PLCH1: variants seen among roughly 807,000 people sequenced by gnomAD.
The protein encoded by PLCH1 is phospholipase C eta 1, also known as 1-phosphatidylinositol 4,5-bisphosphate phosphodiesterase eta-1.
PLCH1 carries 60 observed loss-of-function variants against 126.7 expected under a neutral mutation model. The ratio of observed to expected loss-of-function variants is 0.47; its 90% CI spans 0.38 to 0.59. The LOEUF (loss-of-function observed/expected upper bound fraction) is 0.59. Ranked by LOEUF, PLCH1 falls within the 20% of genes least tolerant of loss-of-function variation. PLCH1 has a pLI of 0.00. For synonymous variants in PLCH1, 719 were observed against 734.9 expected (o/e 0.98, Z 0.35); for missense variants, 1,723 against 2,040.0 (o/e 0.84, Z 2.99).
Position 155,481,439 on chromosome 3 carries a change from C to T in PLCH1, c.4587G>A (p.Glu1529=), listed in dbSNP as rs1228502760. The part of the protein sequence containing the change: ...KGVTVKTKSL[E]PIDALTEQLR... ...GCTGCTCGGTCAGGGCATCTATAGGCTCTAACGACTTTGTCTTCACAGTCA... is the reference window on the plus strand; with the variant it reads ...GCTGCTCGGTCAGGGCATCTATAGGTTCTAACGACTTTGTCTTCACAGTCA... Residue 1529 remains glutamate (E), a synonymous_variant, in exon 23 of 23, where the codon GAG becomes GAA. Coordinates refer to ENST00000460012, the MANE Select transcript of PLCH1 (RefSeq NM_014996.4). The surrounding 1 kb of genome is among the most constrained non-coding windows in gnomAD (Gnocchi z 4.2). 1.2e-6 allele frequency: 2 copies of T among 1,614,062 alleles called. No individual in the cohort carries two copies. The highest frequency in any genetic ancestry group is 1.3e-5 in the African/African-American group (1 of 74,920).
At chr3:155,634,366 T>C (rs903541719) in intron 2 of PLCH1, among the ~76,000 whole-genome samples, 1 of 152,122 alleles carries the variant, frequency 6.6e-6, no homozygotes. Context: ...GAATAAGCAT[T>C]GCGCAAGGTA....
chr3:155,721,548 G>A (rs986090893), intron 1 of PLCH1, among the ~76,000 whole-genome samples: 2 of 152,088 alleles, frequency 1.3e-5, no homozygotes, highest in Admixed American at 1.3e-4. Context: ...ACTGATTTGT[G>A]TACATTAATT....
chr3:155,606,681 G>T (rs1278084001), intron 2 of PLCH1, among the ~76,000 whole-genome samples: 1 of 152,150 alleles, frequency 6.6e-6, no homozygotes, highest in Non-Finnish European at 1.5e-5. Flanking sequence ...ATGCTCTTGG[G>T]CATGAAGAAG....
At position 155,658,013 on chromosome 3, in the gene PLCH1, T is replaced by C. The variant is rs139244431; in HGVS notation, c.79+46133A>G. On this transcript the variant is annotated intron_variant, in intron 2 of 22. Coordinates refer to ENST00000460012, the MANE Select transcript of PLCH1 (RefSeq NM_014996.4). ...GAGGTACTCGCCACTAAATTCAAGATTGAAAAGGAAAAGGAAAAGGTTCAT... is the reference window on the plus strand; with the variant it reads ...GAGGTACTCGCCACTAAATTCAAGACTGAAAAGGAAAAGGAAAAGGTTCAT... The C allele has an allele frequency of 3.5e-3, 638 of 181,386 alleles. 6 individuals carry two copies. The highest frequency in any genetic ancestry group is 0.014 in the African/African-American group (595 of 42,434). The allele number at this position is 181,386 out of a possible 1,614,324, so 11.2% of individuals were successfully genotyped here. A position where few individuals can be genotyped will look rare whatever the true frequency, so the allele number is the denominator to read the frequency against.
intron 11 of PLCH1, among the ~76,000 whole-genome samples, chr3:155,515,870 G>A (rs918306140): frequency 3.3e-5 from 5 of 152,136 alleles, no homozygotes; most frequent in African/African-American, 1.2e-4. Context: ...AAAGTTTAAG[G>A]CTGTTCTTCC....
At chr3:155,603,942 T>G (rs1170546464) in intron 2 of PLCH1, among the ~76,000 whole-genome samples, 1 of 151,804 alleles carries the variant, frequency 6.6e-6, no homozygotes, top group African/African-American at 2.4e-5. Context: ...TACAAAAAAT[T>G]TAAAAAATTA....
chr3:155,659,063 A>C (rs560727849), intron 2 of PLCH1, among the ~76,000 whole-genome samples: 42 of 152,286 alleles, frequency 2.8e-4, no homozygotes, highest in African/African-American at 1.0e-3. Context: ...CCACATCATC[A>C]CTGTTTGGAG....
At chr3:155,663,865 A>G (rs1306643084) in intron 2 of PLCH1, among the ~76,000 whole-genome samples, 1 of 152,182 alleles carries the variant, frequency 6.6e-6, no homozygotes, top group Non-Finnish European at 1.5e-5. Flanking sequence ...TCAAGTTTGC[A>G]CCACTATTGT....
intron 21 of PLCH1, among the ~76,000 whole-genome samples, chr3:155,463,473 A>G (rs936505520): frequency 2.6e-5 from 4 of 152,204 alleles, no homozygotes; most frequent in African/African-American, 7.2e-5. Context: ...AGAAAAGGCA[A>G]TGGTGTGTAG....
chr3:155,612,741 T>C (rs1180087820), intron 2 of PLCH1, among the ~76,000 whole-genome samples: 1 of 151,578 alleles, frequency 6.6e-6, no homozygotes, highest in Non-Finnish European at 1.5e-5. Context: ...CAAACCCGTC[T>C]CTACTAAAAA....
At chr3:155,595,503 C>T (rs1001652761) in intron 3 of PLCH1, among the ~76,000 whole-genome samples, 1 of 152,166 alleles carries the variant, frequency 6.6e-6, no homozygotes, top group African/African-American at 2.4e-5. Flanking sequence ...TACTCTGGGA[C>T]TTGCATCAGT....
intron 2 of PLCH1, among the ~76,000 whole-genome samples, chr3:155,649,153 T>G (rs1740399283): frequency 6.6e-6 from 1 of 151,454 alleles, no homozygotes; most frequent in Non-Finnish European, 1.5e-5. Context: ...ACACAAGGAG[T>G]GACTGAGACC....
chr3:155,743,241 A>T, intron 1 of PLCH1: 1 of 454,344 alleles, frequency 2.2e-6, no homozygotes, highest in South Asian at 1.6e-5. Flanking sequence ...AATGAAAATG[A>T]TTCTCATCTG....
chr3:155,739,204 C>T (rs925867666), intron 1 of PLCH1, among the ~76,000 whole-genome samples: 9 of 152,200 alleles, frequency 5.9e-5, no homozygotes, highest in African/African-American at 2.2e-4. Flanking sequence ...ATTCTCATCT[C>T]CAGTTTGAAA....
At chr3:155,742,122 T>G (rs1749685947) in intron 1 of PLCH1, 1 of 152,208 alleles carries the variant, frequency 6.6e-6, no homozygotes, top group South Asian at 2.1e-4. Flanking sequence ...TAGAATTATT[T>G]CAGGACTCAC....
chr3:155,622,052 A>G (rs1357439678), intron 2 of PLCH1, among the ~76,000 whole-genome samples: 1 of 152,256 alleles, frequency 6.6e-6, no homozygotes, highest in Admixed American at 6.5e-5. Context: ...CATCAGACTG[A>G]CAGCAGATCT....
chr3:155,643,082 G>A (rs1025945334), intron 2 of PLCH1, among the ~76,000 whole-genome samples: 1 of 152,150 alleles, frequency 6.6e-6, no homozygotes, highest in South Asian at 2.1e-4. Context: ...CTGAGTAGCT[G>A]GGATTACAGG....
Position 155,485,260 on chromosome 3 carries a change from C to T in PLCH1, c.2974+96G>A, listed in dbSNP as rs185997943. On this transcript the variant is annotated intron_variant, in intron 22 of 22. Transcript: ENST00000460012. ...AGTATTTATTTTTCAGTATATTTTA[C>T]TTTGACTACAGAATGTCAGCCACTT... 276 of 743,096 alleles carry T rather than the reference C, an allele frequency of 3.7e-4. 1 individual carries two copies. The African/African-American group carries it at 4.6e-3, about 12-fold the overall frequency. 46.0% of individuals were successfully genotyped at this position (743,096 alleles called of 1,614,324 possible).
chr3:155,604,785 A>G (rs1734153160), intron 2 of PLCH1, among the ~76,000 whole-genome samples: 1 of 152,198 alleles, frequency 6.6e-6, no homozygotes, highest in Non-Finnish European at 1.5e-5. Flanking sequence ...AACTCTGGCC[A>G]GCGAAAGGTA....
Sources: gnomAD v4.1 joint callset for allele counts (sites outside exome capture counted in the v4.1 genomes callset) on GRCh38, gnomAD v4.1.1 for gene constraint, Gnocchi (gnomAD v3.1) non-coding constraint, MANE v1.5 for transcripts, NCBI Gene and HGNC (gene_info 2026-07-23, HGNC 2026-07-21) for gene names.